Variants in GPBP1 observed in about 807,000 individuals in gnomAD.
GPBP1 encodes vasculin.
GPBP1 carries 13 observed loss-of-function variants against 56.5 expected under a neutral mutation model. That is an observed-to-expected ratio of 0.23 (90% CI 0.15 to 0.37). The LOEUF is 0.37. Ranked by LOEUF, GPBP1 falls within the 10% of genes least tolerant of loss-of-function variation. The pLI is 1.00. For missense variants in GPBP1, 477 were observed against 572.3 expected (o/e 0.83, Z 1.70); for synonymous variants, 204 against 188.9 (o/e 1.08, Z -0.66).
chr5:57,220,966 A>C (rs979678780), intron 3 of GPBP1, among the ~76,000 whole-genome samples: 1 of 152,158 alleles, frequency 6.6e-6, no homozygotes, highest in African/African-American at 2.4e-5. Context: ...TCTTTTTAAT[A>C]TTGTTCTGAG....
At chr5:57,214,908 C>T (rs927177768) in intron 3 of GPBP1, among the ~76,000 whole-genome samples, 3 of 152,170 alleles carry the variant, frequency 2.0e-5, no homozygotes, top group Non-Finnish European at 4.4e-5. Context: ...GTGATCTGCC[C>T]GCCTCAGTCT....
chr5:57,174,583 T>C (rs62355718), intron 1 of GPBP1, among the ~76,000 whole-genome samples: 3,510 of 152,172 alleles, frequency 0.023, 75 homozygotes, highest in Middle Eastern at 0.048. Flanking sequence ...CCACTACCCT[T>C]CTCAGGGCTG....
chr5:57,175,173 C>T (rs951471928), intron 1 of GPBP1, among the ~76,000 whole-genome samples: 9 of 152,166 alleles, frequency 5.9e-5, no homozygotes, highest in Admixed American at 4.6e-4. Flanking sequence ...TTATATAATT[C>T]CCCAGTATGG....
At chr5:57,231,378 A>T (rs779583110) in intron 5 of GPBP1, 57 bp downstream of exon 5, 18 of 1,376,028 alleles carry the variant, frequency 1.3e-5, no homozygotes, top group Admixed American at 7.7e-5. Flanking sequence ...ATTTTAAGTG[A>T]TTCTCCTGCC....
At chr5:57,191,990 C>CA (rs2111641025) in intron 2 of GPBP1, among the ~76,000 whole-genome samples, 1 of 152,318 alleles carries the variant, frequency 6.6e-6, no homozygotes, top group South Asian at 2.1e-4. Flanking sequence ...TAAATATCCA[C>CA]AGAGCTTTAA....
chr5:57,224,562 C>T (rs1189667059), intron 3 of GPBP1, among the ~76,000 whole-genome samples: 1 of 152,060 alleles, frequency 6.6e-6, no homozygotes, highest in African/African-American at 2.4e-5. Flanking sequence ...CCTCTCTAGT[C>T]AGCCTTTCAA....
At chr5:57,251,321 C>G (rs1466179458) in intron 10 of GPBP1, among the ~76,000 whole-genome samples, 180 bp downstream of exon 10, 1 of 152,158 alleles carries the variant, frequency 6.6e-6, no homozygotes, top group African/African-American at 2.4e-5. Flanking sequence ...CTCGCATTTA[C>G]TTTTCATTTG....
At chr5:57,209,665 C>G (rs918129057) in intron 2 of GPBP1, among the ~76,000 whole-genome samples, 1 of 151,856 alleles carries the variant, frequency 6.6e-6, no homozygotes, top group African/African-American at 2.4e-5. Context: ...AAGTTTCCTT[C>G]TTGTTTCTAG....
At chr5:57,194,892 C>T (rs1458826907) in intron 2 of GPBP1, among the ~76,000 whole-genome samples, 1 of 152,104 alleles carries the variant, frequency 6.6e-6, no homozygotes, top group Non-Finnish European at 1.5e-5. Flanking sequence ...TTTCTGTATC[C>T]ATTCATTCGT....
intron 3 of GPBP1, among the ~76,000 whole-genome samples, chr5:57,228,587 C>A (rs201584845): frequency 6.6e-6 from 1 of 152,092 alleles, no homozygotes; most frequent in South Asian, 2.1e-4. Context: ...CTGGCTTGGG[C>A]ATATAGATCT....
intron 2 of GPBP1, among the ~76,000 whole-genome samples, chr5:57,199,929 T>C (rs565069540): frequency 3.3e-4 from 50 of 152,076 alleles, no homozygotes; most frequent in Middle Eastern, 3.4e-3. Flanking sequence ...TTTTTTTTTT[T>C]CTTTTGGAAC....
At chr5:57,225,870 A>G (rs1316609712) in intron 3 of GPBP1, among the ~76,000 whole-genome samples, 1 of 152,214 alleles carries the variant, frequency 6.6e-6, no homozygotes, top group African/African-American at 2.4e-5. Flanking sequence ...CCATCAATGC[A>G]GCTCCTAAAT....
chr5:57,247,027 C>G, intron 7 of GPBP1, 48 bp from the exon 8 acceptor site: 2 of 1,560,328 alleles, frequency 1.3e-6, no homozygotes, highest in Non-Finnish European at 8.7e-7. Flanking sequence ...TGTCTTTCTC[C>G]TGTAACCTGT....
intron 2 of GPBP1, among the ~76,000 whole-genome samples, chr5:57,204,909 AATTTATTCAAGAGATTATAATAT>A (rs1427254452): frequency 2.0e-5 from 3 of 152,180 alleles, no homozygotes; most frequent in Non-Finnish European, 4.4e-5. Flanking sequence ...TATGTTTTTT[AATTTATTCAAGAGATTATAATAT>A]AGTACTCTAC....
At chr5:57,191,921 A>G (rs1016453466) in intron 2 of GPBP1, among the ~76,000 whole-genome samples, 15 of 152,216 alleles carry the variant, frequency 9.9e-5, no homozygotes, top group Non-Finnish European at 1.8e-4. Flanking sequence ...ATCATTTTTC[A>G]GAGATGAGAC....
intron 3 of GPBP1, among the ~76,000 whole-genome samples, chr5:57,226,553 C>CTTTTTTTTTTTTTT: frequency 1.6e-5 from 1 of 62,130 alleles, no homozygotes; most frequent in Non-Finnish European, 2.8e-5. Flanking sequence ...AGCATTTTTG[C>CTTTTTTTTTTTTTT]TTTTTTTTTT....
At chr5:57,251,237 C>A in intron 10 of GPBP1, 96 bp downstream of exon 10, 2 of 995,304 alleles carry the variant, frequency 2.0e-6, no homozygotes, top group Non-Finnish European at 3.0e-6. Context: ...TATTGGAATA[C>A]AACTTACGCC....
intron 2 of GPBP1, among the ~76,000 whole-genome samples, chr5:57,191,087 T>C (rs922908652): frequency 2.0e-5 from 3 of 151,722 alleles, no homozygotes; most frequent in South Asian, 2.1e-4. Context: ...CTCTTAGCTG[T>C]TTTTTTCTTT....
chr5:57,242,472 C>T (rs1378876732), intron 6 of GPBP1, among the ~76,000 whole-genome samples: 3 of 152,122 alleles, frequency 2.0e-5, no homozygotes, highest in Non-Finnish European at 4.4e-5. Flanking sequence ...AGTACACATT[C>T]TTCTGTAATA....
Sources: gnomAD v4.1 joint callset for allele counts (sites outside exome capture counted in the v4.1 genomes callset) on GRCh38, gnomAD v4.1.1 for gene constraint, MANE v1.5 for transcripts, NCBI Gene and HGNC (gene_info 2026-07-23, HGNC 2026-07-21) for gene names.